CDC25A: variants seen among roughly 807,000 people sequenced by gnomAD.
CDC25A encodes cell division cycle 25A.
CDC25A carries 17 observed loss-of-function variants against 64.6 expected under a neutral mutation model. That is an observed-to-expected ratio of 0.26 (90% CI 0.18 to 0.39). The LOEUF is 0.39. Ranked by LOEUF, CDC25A falls within the 10% of genes least tolerant of loss-of-function variation. The pLI is 1.00. For synonymous variants in CDC25A, 229 were observed against 238.6 expected, an observed-to-expected ratio of 0.96 and a Z score of 0.37; for missense variants, 473 against 654.8, an observed-to-expected ratio of 0.72 and a Z score of 3.03.
At position 48,158,324 on chromosome 3, in the gene CDC25A, C is replaced by T. The variant is rs529764899; in HGVS notation, c.*621G>A. The T allele has an allele frequency of 1.2e-4, 18 of 152,292 alleles. No homozygotes were observed. Among genetic ancestry groups the T allele is most frequent in the South Asian group, 6.2e-4 (3 of 4,804 alleles). The allele number at this position is 152,292 out of a possible 1,614,324, so 9.4% of individuals were successfully genotyped here. On this transcript the variant is annotated 3_prime_UTR_variant, in exon 15 of 15. Coordinates refer to ENST00000302506, the MANE Select transcript of CDC25A (RefSeq NM_001789.3). The stretch of plus-strand genomic sequence containing the variant: ...GTGACAGAGCACCTAGCTTTCTGTC[C>T]GATAACTTATAACAGGTTTGCATTT...
intron 9 of CDC25A, among the ~76,000 whole-genome samples, chr3:48,172,869 G>A (rs2032318714): frequency 6.7e-6 from 1 of 149,688 alleles, no homozygotes; most frequent in Non-Finnish European, 1.5e-5. Context: ...CTCAGAAACA[G>A]GAAACAACAA....
rs182953292 is a variant in CDC25A at position 48,160,173 on chromosome 3, G to A, written c.1323-718C>T. Among the ~76,000 whole-genome samples, 90 of 152,224 alleles carry A rather than the reference G, an allele frequency of 5.9e-4. No individual in the cohort carries two copies. In the East Asian group the frequency reaches 0.016, roughly 28 times the overall value. ...TGTCACCAGGCTGGAGTGCAAGGGC[G>A]TGACCTCAGGCTCACTGCAATCTCC... On this transcript the variant is annotated intron_variant, in intron 13 of 14. Transcript: ENST00000302506.
intron 9 of CDC25A, among the ~76,000 whole-genome samples, chr3:48,168,151 T>C (rs557764279): frequency 1.0e-4 from 15 of 149,918 alleles, no homozygotes; most frequent in African/African-American, 3.7e-4. Context: ...CTAACCGAAT[T>C]GCTCTGAAAC....
chr3:48,166,658 T>C (rs1032078848), intron 10 of CDC25A, among the ~76,000 whole-genome samples: 6 of 152,188 alleles, frequency 3.9e-5, no homozygotes, highest in Non-Finnish European at 5.9e-5. Context: ...CATTAGCAAT[T>C]ACTCATTAGG....
In CDC25A at chr3:48,158,593, TTCTCTACTCCCCTCCG is replaced by T. The variant is rs879943370; in HGVS notation, c.*336_*351del. 7 of 192,396 alleles carry T rather than the reference TTCTCTACTCCCCTCCG, an allele frequency of 3.6e-5. No individual in the cohort carries two copies. Among genetic ancestry groups the T allele is most frequent in the African/African-American group, 7.0e-5 (3 of 43,072 alleles). The allele number at this position is 192,396 out of a possible 1,614,324, so 11.9% of individuals were successfully genotyped here. A position where few individuals can be genotyped will look rare whatever the true frequency, so the allele number is the denominator to read the frequency against. The stretch of plus-strand genomic sequence containing the variant: ...TTGGCCAGCAGCATTTCTGTGTAAC[TTCTCTACTCCCCTCCG>T]TCTCCTCTCCCCTCATGAGATGGCT... On this transcript the variant is annotated 3_prime_UTR_variant, in exon 15 of 15. Coordinates refer to ENST00000302506, the MANE Select transcript of CDC25A (RefSeq NM_001789.3).
At chr3:48,184,865 G>A (rs2032794152) in intron 2 of CDC25A, among the ~76,000 whole-genome samples, 170 bp from the exon 3 acceptor site, 1 of 152,148 alleles carries the variant, frequency 6.6e-6, no homozygotes, top group South Asian at 2.1e-4. Flanking sequence ...TGTCAAAAAT[G>A]TCATGTTTGT....
At position 48,159,339 on chromosome 3, in the gene CDC25A, C is replaced by A. The variant is rs2031653696; in HGVS notation, c.1434+5G>T. ...GAGAGATGCTCTCCACAACCCCAGT[C>A]TTACCTGGCATTTCATAAAGAACTC... On this transcript the variant is annotated splice_donor_5th_base_variant and intron_variant, in intron 14 of 14. Transcript: ENST00000302506. 6.3e-7 allele frequency: 1 copy of A among 1,598,320 alleles called. No individual in the cohort carries two copies. Among genetic ancestry groups the A allele is most frequent in the South Asian group, 1.1e-5 (1 of 90,754 alleles).
chr3:48,185,310 G>A lies in CDC25A; in HGVS notation c.248-615C>T, dbSNP rs1231499576. Among the ~76,000 whole-genome samples the A allele has an allele frequency of 9.2e-5, 14 of 151,932 alleles. No homozygotes were observed. The South Asian group carries it at 2.7e-3, about 29-fold the overall frequency. On this transcript the variant is annotated intron_variant, in intron 2 of 14. Transcript: ENST00000302506. ...CGTGTCTGTAGTCCCAGCTACTTGGGGAGGCTGGAGTGGGAGGTTCGCTTG... is the reference window on the plus strand; with the variant it reads ...CGTGTCTGTAGTCCCAGCTACTTGGAGAGGCTGGAGTGGGAGGTTCGCTTG...
chr3:48,181,260 T>C (rs997722584), intron 5 of CDC25A, among the ~76,000 whole-genome samples: 1 of 151,956 alleles, frequency 6.6e-6, no homozygotes, highest in Non-Finnish European at 1.5e-5. Context: ...TACTTATAAT[T>C]ATTCTATTCT....
chr3:48,176,971 C>CAA (rs879773431), intron 8 of CDC25A, among the ~76,000 whole-genome samples: 3 of 123,454 alleles, frequency 2.4e-5, no homozygotes, highest in Non-Finnish European at 3.4e-5. Context: ...GACTCCGTCT[C>CAA]AAAAAAAAAA....
At chr3:48,182,829 C>A in intron 5 of CDC25A, 100 bp downstream of exon 5, 2 of 759,960 alleles carry the variant, frequency 2.6e-6, no homozygotes, top group Non-Finnish European at 4.7e-6. Context: ...ACATAATGGC[C>A]AAGTTTAGTC....
intron 6 of CDC25A, among the ~76,000 whole-genome samples, chr3:48,179,006 A>T (rs2032568166): frequency 6.6e-6 from 1 of 152,172 alleles, no homozygotes. Flanking sequence ...TTGGGGTATG[A>T]ATCTGTTGTT....
intron 9 of CDC25A, among the ~76,000 whole-genome samples, chr3:48,171,346 C>G (rs1442449703): frequency 6.6e-6 from 1 of 150,660 alleles, no homozygotes; most frequent in Non-Finnish European, 1.5e-5. Context: ...TGCACTCCAG[C>G]GTGTCTCAAA....
intron 8 of CDC25A, among the ~76,000 whole-genome samples, chr3:48,176,403 A>G (rs910918798): frequency 6.6e-6 from 1 of 151,588 alleles, no homozygotes; most frequent in Non-Finnish European, 1.5e-5. Context: ...ATGTGTGTGT[A>G]TATATATGTG....
intron 13 of CDC25A, among the ~76,000 whole-genome samples, chr3:48,159,805 A>G (rs2031671525): frequency 6.6e-6 from 1 of 151,612 alleles, no homozygotes; most frequent in Non-Finnish European, 1.5e-5. Context: ...AGGCTCCCTC[A>G]CTCACCTCCT....
intron 1 of CDC25A, among the ~76,000 whole-genome samples, chr3:48,187,403 G>A (rs1368118935): frequency 6.6e-6 from 1 of 152,252 alleles, no homozygotes; most frequent in Non-Finnish European, 1.5e-5. Context: ...CGAAGATCCT[G>A]AGGATGGTTT....
chr3:48,182,963 A>C lies in CDC25A; in HGVS notation c.395T>G (p.Phe132Cys), dbSNP rs923345015. 9 of 1,613,516 alleles carry C rather than the reference A, an allele frequency of 5.6e-6. No individual in the cohort carries two copies. The highest frequency in any genetic ancestry group is 7.6e-6 in the Non-Finnish European group (9 of 1,179,402). ...GTTCTCATCTGGGTCGATGAGCTGA[A>C]AGATGTCATGGTCAAGAGAATCAGA... ...SHSDSLDHDI[F>C]QLIDPDENKE... The change falls in exon 5 of 15, where the codon TTT becomes TGT. Residue 132 changes from phenylalanine (F) to cysteine (C), a missense_variant. Coordinates refer to ENST00000302506, the MANE Select transcript of CDC25A (RefSeq NM_001789.3).
At chr3:48,173,755 G>C (rs1215505985) in intron 9 of CDC25A, among the ~76,000 whole-genome samples, 1 of 152,166 alleles carries the variant, frequency 6.6e-6, no homozygotes, top group Non-Finnish European at 1.5e-5. Flanking sequence ...GAGGAAGCCT[G>C]CTAAAACGTA....
chr3:48,186,594 C>T (rs2032853234), intron 2 of CDC25A, 109 bp downstream of exon 2: 5 of 567,540 alleles, frequency 8.8e-6, no homozygotes, highest in Non-Finnish European at 1.6e-5. Context: ...AAAAGTTTAT[C>T]ACCCAATGCC....
Sources: gnomAD v4.1 joint callset for allele counts (sites outside exome capture counted in the v4.1 genomes callset) on GRCh38, gnomAD v4.1.1 for gene constraint, MANE v1.5 for transcripts, NCBI Gene and HGNC (gene_info 2026-07-23, HGNC 2026-07-21) for gene names.